The following GCNT2 variants were observed in gnomAD, a reference collection of about 807,000 sequenced individuals.
GCNT2 encodes the protein glucosaminyl (N-acetyl) transferase 2 (I blood group), also known as N-acetyllactosaminide beta-1,6-N-acetylglucosaminyl-transferase.
GCNT2 carries 34 observed loss-of-function variants against 34.2 expected under a neutral mutation model. That is an observed-to-expected ratio of 1.00 (90% CI 0.76 to 1.32). The LOEUF is 1.32. GCNT2 is among the 40% of genes most tolerant of loss of function. The pLI, the probability that GCNT2 is intolerant of heterozygous loss-of-function variation, is 0.00. For missense variants in GCNT2, 584 were observed against 489.4 expected, an observed-to-expected ratio of 1.19 and a Z score of -1.82; for synonymous variants, 212 against 188.0, an observed-to-expected ratio of 1.13 and a Z score of -1.04.
At position 10,561,693 on chromosome 6, in the gene GCNT2, C is replaced by T. The variant is rs555215569; in HGVS notation, c.925+31857C>T. ...TTCAGCTCCTGTTTTTCCCTCGCTG[C>T]ACTAAGTGTGCTTTTGGAGTCTTTG... On this transcript the variant is annotated intron_variant, in intron 3 of 4. Coordinates refer to ENST00000495262, the MANE Select transcript of GCNT2 (RefSeq NM_145649.5). 6.6e-5 allele frequency among the ~76,000 whole-genome samples: 10 copies of T among 152,336 alleles called. No homozygotes were observed. In the East Asian group the frequency reaches 1.9e-3, roughly 29 times the overall value.
intron 3 of GCNT2, chr6:10,556,760 A>G: frequency 1.2e-6 from 2 of 1,614,108 alleles, no homozygotes; most frequent in Non-Finnish European, 1.7e-6. Flanking sequence ...AAGGCTCTTC[A>G]GGGCTATTTA....
At chr6:10,577,393 C>T (rs1763867582) in intron 3 of GCNT2, among the ~76,000 whole-genome samples, 1 of 152,200 alleles carries the variant, frequency 6.6e-6, no homozygotes, top group Non-Finnish European at 1.5e-5. Flanking sequence ...TGGGATCTGT[C>T]ACCCTGGGAA....
chr6:10,568,213 CCTT>C (rs1193924491), intron 3 of GCNT2, among the ~76,000 whole-genome samples: 2 of 152,018 alleles, frequency 1.3e-5, no homozygotes, highest in Admixed American at 1.3e-4. Flanking sequence ...TGCCACATCT[CCTT>C]GTTTTTTGGA....
chr6:10,596,786 C>G (rs1196673562), intron 3 of GCNT2, among the ~76,000 whole-genome samples: 2 of 151,516 alleles, frequency 1.3e-5, no homozygotes, highest in Non-Finnish European at 2.9e-5. Context: ...AGAATTGACA[C>G]GATGATATTT....
At chr6:10,578,574 G>A (rs984494986) in intron 3 of GCNT2, among the ~76,000 whole-genome samples, 6 of 149,774 alleles carry the variant, frequency 4.0e-5, no homozygotes, top group East Asian at 2.0e-4. Context: ...AGCCTCCCGC[G>A]TAGGTGGGAC....
intron 3 of GCNT2, among the ~76,000 whole-genome samples, chr6:10,606,675 T>TGGAAATTTCCATTAAAGAAATTTAAG (rs1765331154): frequency 6.7e-6 from 1 of 149,604 alleles, no homozygotes; most frequent in African/African-American, 2.5e-5. Flanking sequence ...AGAAATTTAA[T>TGGAAATTTCCATTAAAGAAATTTAAG]AGTGGTTGAG....
At chr6:10,556,946 C>G (rs147742441) in intron 3 of GCNT2, 7 of 1,614,114 alleles carry the variant, frequency 4.3e-6, no homozygotes, top group South Asian at 2.2e-5. Flanking sequence ...CATCAGAGAT[C>G]TTTCTGCCTT....
At chr6:10,545,572 G>C (rs1190951577) in intron 3 of GCNT2, among the ~76,000 whole-genome samples, 1 of 152,144 alleles carries the variant, frequency 6.6e-6, no homozygotes. Context: ...TATGATCGTT[G>C]CAATCCTAAC....
intron 4 of GCNT2, among the ~76,000 whole-genome samples, chr6:10,625,126 C>T (rs1374455648): frequency 6.6e-6 from 1 of 152,136 alleles, no homozygotes; most frequent in Non-Finnish European, 1.5e-5. Flanking sequence ...GAATTAATCA[C>T]CATGTTCTAT....
At chr6:10,608,888 T>C (rs1765433391) in intron 3 of GCNT2, among the ~76,000 whole-genome samples, 1 of 152,182 alleles carries the variant, frequency 6.6e-6, no homozygotes, top group Non-Finnish European at 1.5e-5. Flanking sequence ...GAACCCAGTG[T>C]TGCAAACTAC....
At chr6:10,539,029 T>G (rs747798423) in intron 3 of GCNT2, among the ~76,000 whole-genome samples, 19 of 151,996 alleles carry the variant, frequency 1.3e-4, no homozygotes, top group South Asian at 2.1e-4. Flanking sequence ...TAGAATGCAT[T>G]TAAGATTTAA....
chr6:10,584,130 A>G lies in GCNT2; in HGVS notation c.926-37221A>G, dbSNP rs186976539. Among the ~76,000 whole-genome samples, 94 of 152,224 alleles carry G rather than the reference A, an allele frequency of 6.2e-4. 1 individual carries two copies. The highest frequency in any genetic ancestry group is 5.8e-4 in the East Asian group (3 of 5,188). On this transcript the variant is annotated intron_variant, in intron 3 of 4. Transcript: ENST00000495262. Reference sequence around the variant, plus strand: ...TGAGTTCTCTCAGTATTTATTGATCACTATTTTTCCTATCTTGGCGAGGGG... The same window carrying G: ...TGAGTTCTCTCAGTATTTATTGATCGCTATTTTTCCTATCTTGGCGAGGGG...
intron 3 of GCNT2, among the ~76,000 whole-genome samples, chr6:10,577,711 T>C (rs1763883106): frequency 6.6e-6 from 1 of 151,988 alleles, no homozygotes; most frequent in Non-Finnish European, 1.5e-5. Context: ...CAGTTAATTT[T>C]TGCATTTTTA....
chr6:10,556,537 C>A, intron 3 of GCNT2: 1 of 1,613,914 alleles, frequency 6.2e-7, no homozygotes, highest in Non-Finnish European at 8.5e-7. Context: ...GGCTAAATAT[C>A]TCAGACCCTT....
intron 3 of GCNT2, among the ~76,000 whole-genome samples, chr6:10,575,461 A>G (rs1763765515): frequency 6.6e-6 from 1 of 150,764 alleles, no homozygotes; most frequent in Non-Finnish European, 1.5e-5. Flanking sequence ...TCTTGGGTTC[A>G]AGAGATTCTC....
chr6:10,542,847 T>TC (rs1363806290), intron 3 of GCNT2, among the ~76,000 whole-genome samples: 2 of 151,256 alleles, frequency 1.3e-5, no homozygotes, highest in African/African-American at 2.4e-5. Flanking sequence ...TTTTCATTTC[T>TC]CCTGGGTAGA....
In GCNT2 at chr6:10,588,785, A is replaced by ATGTG. The variant is rs60988454; in HGVS notation, c.926-32545_926-32542dup. ...GTGGTGTGTTTGTAGTGTGTGTGTG[A>ATGTG]TGTGTGTGTGTGTGTGTGTGTGTGG... On this transcript the variant is annotated intron_variant, in intron 3 of 4. Transcript: ENST00000495262. Among the ~76,000 whole-genome samples, 1,205 of 135,258 alleles carry ATGTG rather than the reference A, an allele frequency of 8.9e-3. 8 individuals carry two copies. The highest frequency in any genetic ancestry group is 0.013 in the Non-Finnish European group (788 of 62,660). 88.7% of individuals were successfully genotyped at this position (135,258 alleles called of 152,430 possible).
chr6:10,527,012 G>A (rs1011279774), intron 1 of GCNT2, among the ~76,000 whole-genome samples: 1 of 152,046 alleles, frequency 6.6e-6, no homozygotes, highest in Non-Finnish European at 1.5e-5. Flanking sequence ...GGAAAAATTA[G>A]GTTTATTGAC....
At chr6:10,615,408 A>G (rs529380234) in intron 3 of GCNT2, among the ~76,000 whole-genome samples, 14 of 152,182 alleles carry the variant, frequency 9.2e-5, no homozygotes, top group African/African-American at 3.4e-4. Context: ...TTGACCTCCC[A>G]TGCTCAGATG....
Sources: gnomAD v4.1 joint callset for allele counts (sites outside exome capture counted in the v4.1 genomes callset) on GRCh38, gnomAD v4.1.1 for gene constraint, MANE v1.5 for transcripts, NCBI Gene and HGNC (gene_info 2026-07-23, HGNC 2026-07-21) for gene names.